ABCB7: variants seen among roughly 807,000 people sequenced by gnomAD.
ABCB7 encodes ATP binding cassette subfamily B member 7, also known as iron-sulfur clusters transporter ABCB7, mitochondrial.
ABCB7 carries 7 observed loss-of-function variants against 54.4 expected under a neutral mutation model. That is an observed-to-expected ratio of 0.13 (90% CI 0.07 to 0.24). The LOEUF (loss-of-function observed/expected upper bound fraction) is 0.24, where lower values mean the gene tolerates loss of function less well. ABCB7 is among the 10% of genes least tolerant of loss of function. ABCB7 has a pLI of 1.00. For missense variants in ABCB7, 356 were observed against 570.4 expected (o/e 0.62, Z 3.83); for synonymous variants, 218 against 207.1 (o/e 1.05, Z -0.45).
intron 2 of ABCB7, among the ~76,000 whole-genome samples, chrX:75,113,779 T>C (rs754846368): frequency 5.4e-5 from 6 of 111,319 alleles, no homozygotes; most frequent in Admixed American, 3.8e-4. Context: ...GAAAATGGAG[T>C]TACAAAAAGC....
chrX:75,058,013 C>T (rs1226265143), intron 15 of ABCB7, among the ~76,000 whole-genome samples: 1 of 110,788 alleles, frequency 9.0e-6, no homozygotes, highest in Non-Finnish European at 1.9e-5. Flanking sequence ...ATAAGTAAAT[C>T]TCCAGACTCT....
At chrX:75,106,218 G>T (rs1427826108) in intron 3 of ABCB7, among the ~76,000 whole-genome samples, 1 of 110,710 alleles carries the variant, frequency 9.0e-6, no homozygotes, top group African/African-American at 3.3e-5. Flanking sequence ...ACCCAATAAA[G>T]AACTAATATC....
At chrX:75,127,175 C>T (rs1446049865) in intron 1 of ABCB7, among the ~76,000 whole-genome samples, 9 of 111,490 alleles carry the variant, frequency 8.1e-5, no homozygotes, top group Non-Finnish European at 1.7e-4. Flanking sequence ...TACTGGCAAA[C>T]TGAATCCAGC....
chrX:75,136,382 A>T (rs1396842827), intron 1 of ABCB7, among the ~76,000 whole-genome samples: 1 of 111,873 alleles, frequency 8.9e-6, no homozygotes. Flanking sequence ...ATGCTCATGG[A>T]TATGAAGAAT....
chrX:75,143,012 C>T (rs901275026), intron 1 of ABCB7, among the ~76,000 whole-genome samples: 1 of 112,196 alleles, frequency 8.9e-6, no homozygotes, highest in Non-Finnish European at 1.9e-5. Context: ...ACATATATGA[C>T]CATACTCTAA....
At position 75,069,420 on chromosome X, in the gene ABCB7, G is replaced by A. The variant is rs758576844; in HGVS notation, c.1400C>T (p.Pro467Leu). Reference sequence around the variant, plus strand: ...ATCAAAGGCCACGGTAGCTGTCTGTGGTGTGATCTGAAGGGGAGATGCCAT... The same window carrying A: ...ATCAAAGGCCACGGTAGCTGTCTGTAGTGTGATCTGAAGGGGAGATGCCAT... ...KVMASPLQITPQTATVAFDNV... is the reference protein window; with the variant it reads ...KVMASPLQITLQTATVAFDNV... The change falls in exon 11 of 16, where the codon CCA becomes CTA. Residue 467 changes from proline (P) to leucine (L), a missense_variant. Pro to Leu is a moderately conservative substitution (Grantham distance 98). This residue lies in a region of ABCB7 where 241 missense variants were observed against 470.9 expected (regional missense o/e 0.51). Coordinates refer to ENST00000373394, the MANE Select transcript of ABCB7 (RefSeq NM_001271696.3). The A allele has an allele frequency of 8.3e-7, 1 of 1,208,438 alleles. No individual in the cohort carries two copies.
At chrX:75,133,438 C>T (rs1158586647) in intron 1 of ABCB7, among the ~76,000 whole-genome samples, 2 of 111,831 alleles carry the variant, frequency 1.8e-5, no homozygotes, top group African/African-American at 6.5e-5. Flanking sequence ...CCCAACCTCA[C>T]GAGAGGCTGA....
At chrX:75,060,364 A>G in intron 14 of ABCB7, 34 bp from the exon 15 acceptor site, 1 of 1,055,394 alleles carries the variant, frequency 9.5e-7, no homozygotes, top group Non-Finnish European at 1.3e-6. Flanking sequence ...ACAGGAGAAA[A>G]TAAAAAGAAG....
At position 75,051,230 on chromosome X, in the gene ABCB7, C is replaced by A. The variant is rs2081194653; in HGVS notation, c.*2140G>T. On this transcript the variant is annotated 3_prime_UTR_variant, in exon 16 of 16. Coordinates refer to ENST00000373394, the MANE Select transcript of ABCB7 (RefSeq NM_001271696.3). ...TAAAAGCAAGATCTTGCATCACTTA[C>A]TCTGGCAGCAAAGACTACGAAATAC... is the stretch of plus-strand genomic sequence containing the variant. Among the ~76,000 whole-genome samples the A allele has an allele frequency of 9.1e-6, 1 of 110,494 alleles. No homozygotes were observed. The highest frequency in any genetic ancestry group is 3.3e-5 in the African/African-American group (1 of 30,395).
Position 75,073,701 on chromosome X carries a change from A to G in ABCB7, c.1020T>C (p.Tyr340=). 1 of 1,195,626 alleles carries G rather than the reference A, an allele frequency of 8.4e-7. No homozygotes were observed. The highest frequency in any genetic ancestry group is 1.1e-6 in the Non-Finnish European group (1 of 880,895). ...GNAAIDSLLN[Y]ETVKYFNNER... ...TTAAACATATTACCTTCACAGTTTC[A>G]TAATTCAGCAGTGAGTCTATAGCAG... The change falls in exon 8 of 16, where the codon TAT becomes TAC. Residue 340 remains tyrosine, a synonymous_variant. Transcript: ENST00000373394.
intron 1 of ABCB7, among the ~76,000 whole-genome samples, chrX:75,128,769 T>A (rs2081953298): frequency 9.0e-6 from 1 of 111,315 alleles, no homozygotes; most frequent in African/African-American, 3.3e-5. Flanking sequence ...AATAACCCCA[T>A]CAAAAAGTGA....
intron 3 of ABCB7, among the ~76,000 whole-genome samples, chrX:75,104,047 GTTTTTTTTTTTT>G (rs757074347): frequency 3.1e-3 from 41 of 13,440 alleles, no homozygotes; most frequent in South Asian, 9.3e-3. Context: ...TCTTGTTACA[GTTTTTTTTTTTT>G]TTTTTTTTTT....
intron 3 of ABCB7, among the ~76,000 whole-genome samples, chrX:75,111,859 T>C (rs2081762931): frequency 8.9e-6 from 1 of 112,312 alleles, no homozygotes; most frequent in South Asian, 3.7e-4. Context: ...TATTAGCAAC[T>C]ATCCTTAAGA....
Position 75,073,965 on chromosome X carries a change from G to A in ABCB7, c.856-9C>T. On this transcript the variant is annotated splice_polypyrimidine_tract_variant and intron_variant, in intron 6 of 15. Transcript: ENST00000373394. ...GCACCGCATTTGTAATACTAGAAAAGGAAGTCCAAAGAAGAAACGTGAAAC... is the reference window on the plus strand; with the variant it reads ...GCACCGCATTTGTAATACTAGAAAAAGAAGTCCAAAGAAGAAACGTGAAAC... The A allele has an allele frequency of 8.4e-7, 1 of 1,184,850 alleles. No individual in the cohort carries two copies.
chrX:75,107,772 C>T (rs901895550), intron 3 of ABCB7, among the ~76,000 whole-genome samples: 5 of 110,661 alleles, frequency 4.5e-5, no homozygotes, highest in African/African-American at 9.9e-5. Context: ...ACATTGCCAC[C>T]CGTGGTGGCT....
rs764992522 is a variant in ABCB7 at position 75,051,694 on chromosome X, G to A, written c.*1676C>T. 2.4e-4 allele frequency: 27 copies of A among 112,390 alleles called. No individual in the cohort carries two copies. Among genetic ancestry groups the A allele is most frequent in the African/African-American group, 8.1e-4 (25 of 31,029 alleles). The allele number at this position is 112,390 out of a possible 1,213,427, so 9.3% of individuals were successfully genotyped here. Reference sequence around the variant, plus strand: ...AACTAATTAAATTACTGAAAAGTAAGGGAAGATCTTTTAATAAATTCTGAA... The same window carrying A: ...AACTAATTAAATTACTGAAAAGTAAAGGAAGATCTTTTAATAAATTCTGAA... On this transcript the variant is annotated 3_prime_UTR_variant, in exon 16 of 16. Transcript: ENST00000373394.
chrX:75,138,223 TACACACACAC>T (rs60844679), intron 1 of ABCB7, among the ~76,000 whole-genome samples: 21 of 99,385 alleles, frequency 2.1e-4, no homozygotes, highest in East Asian at 6.4e-4. Flanking sequence ...GCAACCCTCA[TACACACACAC>T]ACACACACAC....
intron 3 of ABCB7, among the ~76,000 whole-genome samples, chrX:75,112,376 C>T (rs1309026055): frequency 5.4e-5 from 6 of 111,111 alleles, no homozygotes; most frequent in African/African-American, 2.0e-4. Flanking sequence ...ATATATAGTG[C>T]AAGTCTTTCT....
At chrX:75,147,325 AC>A (rs2082098958) in intron 1 of ABCB7, among the ~76,000 whole-genome samples, 1 of 111,713 alleles carries the variant, frequency 9.0e-6, no homozygotes, top group African/African-American at 3.3e-5. Flanking sequence ...CTGGGTATGT[AC>A]CCCAAGGAAT....
Sources: allele counts gnomAD v4.1 joint callset (sites outside exome capture counted in the v4.1 genomes callset), GRCh38; gene constraint gnomAD v4.1.1; regional missense constraint gnomAD v4.1.1; transcripts MANE v1.5; gene names NCBI Gene and HGNC (gene_info 2026-07-23, HGNC 2026-07-21).